Variants in EPB41L3 observed in about 807,000 individuals in gnomAD.
The protein encoded by EPB41L3 is erythrocyte membrane protein band 4.1 like 3, also known as band 4.1-like protein 3.
EPB41L3 carries 57 observed loss-of-function variants against 127.1 expected under a neutral mutation model. The observed-to-expected ratio is 0.45, with a 90% confidence interval of 0.36 to 0.56. EPB41L3 has a LOEUF of 0.56. EPB41L3 is among the 20% of genes least tolerant of loss of function. The pLI is 0.00. For missense variants in EPB41L3, 1,273 were observed against 1,372.2 expected, an observed-to-expected ratio of 0.93 and a Z score of 1.14; for synonymous variants, 572 against 549.5, an observed-to-expected ratio of 1.04 and a Z score of -0.57.
Position 5,394,820 on chromosome 18 carries a change from AGAAACAAAAAG to A in EPB41L3, c.3154-38_3154-28del, listed in dbSNP as rs556500315. ...TATCCCCGGGAAATCACAGAAGGGC[AGAAACAAAAAG>A]GAGGTGGAACATGCATGATCAGTGG... On this transcript the variant is annotated intron_variant, in intron 21 of 22. Transcript: ENST00000341928. The A allele has an allele frequency of 1.3e-4, 206 of 1,605,908 alleles. 2 individuals carry two copies. The South Asian group carries it at 2.2e-3, about 17-fold the overall frequency.
chr18:5,566,815 AT>A (rs1041943971), intron 3 of EPB41L3, among the ~76,000 whole-genome samples: 1 of 110,336 alleles, frequency 9.1e-6, no homozygotes. Context: ...TTCTAATTTT[AT>A]TTTTTTGGAG....
At chr18:5,630,280 G>A (rs1000338616), upstream of EPB41L3, 1 of 483,436 alleles carries the variant, frequency 2.1e-6, no homozygotes, top group African/African-American at 2.0e-5. Context: ...CATCGACCTC[G>A]AGCCAAGGGC....
chr18:5,510,035 T>C (rs1442915771), intron 1 of EPB41L3, among the ~76,000 whole-genome samples: 1 of 152,214 alleles, frequency 6.6e-6, no homozygotes, highest in African/African-American at 2.4e-5. Flanking sequence ...ATTGCAGAAT[T>C]AGTTTAACAC....
At chr18:5,515,321 T>C (rs1004247376) in intron 1 of EPB41L3, among the ~76,000 whole-genome samples, 7 of 152,210 alleles carry the variant, frequency 4.6e-5, no homozygotes, top group African/African-American at 7.2e-5. Context: ...TGAAATAACA[T>C]TGTTTGGTAT....
At chr18:5,407,588 T>C in intron 15 of EPB41L3, 113 bp downstream of exon 15, 1 of 1,115,994 alleles carries the variant, frequency 9.0e-7, no homozygotes, top group Non-Finnish European at 1.3e-6. Flanking sequence ...ACCAACAACA[T>C]GGTAACCAGC....
chr18:5,460,452 G>GAT (rs761558058), intron 3 of EPB41L3, among the ~76,000 whole-genome samples: 39 of 152,158 alleles, frequency 2.6e-4, no homozygotes, highest in African/African-American at 8.2e-4. Context: ...TAAAAAATGT[G>GAT]ATATATATAT....
chr18:5,546,602 A>G (rs2093885555), upstream of EPB41L3, among the ~76,000 whole-genome samples: 1 of 152,226 alleles, frequency 6.6e-6, no homozygotes, highest in African/African-American at 2.4e-5. Context: ...AATTTGGAGT[A>G]AAAACCATAC....
chr18:5,602,545 A>C (rs2094603422), intron 3 of EPB41L3, among the ~76,000 whole-genome samples: 1 of 152,186 alleles, frequency 6.6e-6, no homozygotes, highest in Non-Finnish European at 1.5e-5. Flanking sequence ...CCTGGGCTCA[A>C]GCGATCTTCC....
At chr18:5,416,823 G>T (rs1043640128) in intron 12 of EPB41L3, among the ~76,000 whole-genome samples, 2 of 151,850 alleles carry the variant, frequency 1.3e-5, no homozygotes, top group African/African-American at 4.8e-5. Flanking sequence ...GATTAAAAAT[G>T]AAGATGAAAT....
intron 1 of EPB41L3, among the ~76,000 whole-genome samples, chr18:5,525,769 T>C (rs1244423677): frequency 6.6e-6 from 1 of 152,260 alleles, no homozygotes; most frequent in Non-Finnish European, 1.5e-5. Context: ...GAATGCATTC[T>C]CTTTCCATTG....
Position 5,505,651 on chromosome 18 carries a change from A to G in EPB41L3, c.-11-16457T>C, listed in dbSNP as rs957768404. 3.4e-3 allele frequency among the ~76,000 whole-genome samples: 58 copies of G among 16,986 alleles called. 2 individuals are homozygous for G. The highest frequency in any genetic ancestry group is 0.059 in the Middle Eastern group (2 of 34). The allele number at this position is 16,986 out of a possible 152,430, so 11.1% of individuals were successfully genotyped here. The stretch of plus-strand genomic sequence containing the variant: ...CCACACCTTCACCTCCACCCCTACC[A>G]TCCACACCTTCACCTCCACCCCTAC... On this transcript the variant is annotated intron_variant, in intron 1 of 22. Coordinates refer to ENST00000341928, the MANE Select transcript of EPB41L3 (RefSeq NM_012307.5).
intron 3 of EPB41L3, among the ~76,000 whole-genome samples, chr18:5,581,871 A>G (rs956422428): frequency 6.6e-6 from 1 of 151,972 alleles, no homozygotes; most frequent in East Asian, 1.9e-4. Context: ...GGTGGCATGC[A>G]CTGTAGTCCC....
chr18:5,457,503 G>A (rs1219873726), intron 3 of EPB41L3, among the ~76,000 whole-genome samples: 1 of 151,876 alleles, frequency 6.6e-6, no homozygotes, highest in Non-Finnish European at 1.5e-5. Context: ...CCCTGAGACT[G>A]TATCACTTAT....
chr18:5,529,894 C>A (rs1220038630), intron 1 of EPB41L3, among the ~76,000 whole-genome samples: 3 of 151,490 alleles, frequency 2.0e-5, no homozygotes, highest in African/African-American at 7.3e-5. Flanking sequence ...AAACTCCTGA[C>A]CATGCCATCA....
chr18:5,438,963 T>A (rs1045774118), intron 5 of EPB41L3, among the ~76,000 whole-genome samples: 1 of 152,204 alleles, frequency 6.6e-6, no homozygotes, highest in African/African-American at 2.4e-5. Flanking sequence ...GGTTTATCAA[T>A]ATAAACATGG....
chr18:5,517,440 TG>T (rs1460534729), intron 1 of EPB41L3, among the ~76,000 whole-genome samples: 1 of 152,086 alleles, frequency 6.6e-6, no homozygotes, highest in African/African-American at 2.4e-5. Flanking sequence ...ACATTTATTA[TG>T]TTTTTTTCTT....
intron 1 of EPB41L3, among the ~76,000 whole-genome samples, chr18:5,496,894 C>T (rs1305530247): frequency 6.6e-6 from 1 of 152,138 alleles, no homozygotes; most frequent in Non-Finnish European, 1.5e-5. Context: ...GTAGTGGAGC[C>T]TACATTCTAA....
chr18:5,607,120 G>T, intron 3 of EPB41L3, among the ~76,000 whole-genome samples: 2 of 152,328 alleles, frequency 1.3e-5, no homozygotes, highest in Middle Eastern at 6.8e-3. Context: ...ACAGTCACCA[G>T]GTTGTTGAAT....
At position 5,543,869 on chromosome 18, in the gene EPB41L3, G is replaced by A. The variant is rs2093824092; in HGVS notation, c.-12+44C>T. Reference sequence around the variant, plus strand: ...CTCTTCCTCCGCACCTCGTAAAGCCGAGACCCCCTCGCAGTCCCCCACTCC... The same window carrying A: ...CTCTTCCTCCGCACCTCGTAAAGCCAAGACCCCCTCGCAGTCCCCCACTCC... On this transcript the variant is annotated intron_variant, in intron 1 of 22. Coordinates refer to ENST00000341928, the MANE Select transcript of EPB41L3 (RefSeq NM_012307.5). This position sits in a 1 kb window ranked among gnomAD's most constrained non-coding sequence, Gnocchi z 5.2. The A allele has an allele frequency of 1.0e-6, 1 of 985,244 alleles. No homozygotes were observed. Among genetic ancestry groups the A allele is most frequent in the Non-Finnish European group, 1.2e-6 (1 of 829,834 alleles). The allele number at this position is 985,244 out of a possible 1,614,324, so 61.0% of individuals were successfully genotyped here. A position where few individuals can be genotyped will look rare whatever the true frequency, so the allele number is the denominator to read the frequency against.
Sources: allele counts gnomAD v4.1 joint callset (sites outside exome capture counted in the v4.1 genomes callset), GRCh38; gene constraint gnomAD v4.1.1; non-coding constraint Gnocchi (gnomAD v3.1); transcripts MANE v1.5; gene names NCBI Gene and HGNC (gene_info 2026-07-23, HGNC 2026-07-21).